The following SLC25A42 variants were observed in gnomAD, a reference collection of about 807,000 sequenced individuals.
The protein encoded by SLC25A42 is mitochondrial coenzyme A transporter SLC25A42.
In SLC25A42, 19 loss-of-function variants were observed where a neutral mutation model predicts 34.7. The ratio of observed to expected loss-of-function variants is 0.55; its 90% confidence interval spans 0.38 to 0.80. The LOEUF is 0.80. SLC25A42 is among the 30% of genes least tolerant of loss of function. SLC25A42 has a pLI of 0.00. For synonymous variants in SLC25A42, 205 were observed against 191.2 expected, an observed-to-expected ratio of 1.07 and a Z score of -0.59; for missense variants, 364 against 441.3, an observed-to-expected ratio of 0.82 and a Z score of 1.57.
chr19:19,086,631 T>G (rs1364645852), intron 1 of SLC25A42, among the ~76,000 whole-genome samples: 1 of 151,548 alleles, frequency 6.6e-6, no homozygotes, highest in African/African-American at 2.4e-5. Context: ...TTTTGGGGGG[T>G]TTTGCTTTTT....
chr19:19,078,845 T>A (rs953566328), intron 1 of SLC25A42, among the ~76,000 whole-genome samples: 4 of 151,770 alleles, frequency 2.6e-5, no homozygotes, highest in Non-Finnish European at 5.9e-5. Context: ...ACTTGAAAGT[T>A]ACCATTGTGA....
intron 1 of SLC25A42, among the ~76,000 whole-genome samples, chr19:19,064,714 TC>T (rs1289630450): frequency 7.0e-6 from 1 of 141,888 alleles, no homozygotes; most frequent in Non-Finnish European, 1.5e-5. Flanking sequence ...CACCTCTGTC[TC>T]CCCCTTTTCT....
At chr19:19,074,513 A>G (rs1186679530) in intron 1 of SLC25A42, among the ~76,000 whole-genome samples, 1 of 152,020 alleles carries the variant, frequency 6.6e-6, no homozygotes, top group African/African-American at 2.4e-5. Context: ...CCCCACCCCC[A>G]CCCAACATTT....
At chr19:19,096,254 T>TGGGGGCCCCCCCCCCCCCC in intron 2 of SLC25A42, 49 bp downstream of exon 2, 3 of 1,456,702 alleles carry the variant, frequency 2.1e-6, no homozygotes, top group Non-Finnish European at 1.9e-6. Context: ...GGCCCCAGCC[T>TGGGGGCCCCCCCCCCCCCC]CCCCACCCCC....
chr19:19,079,035 A>C (rs1032468921), intron 1 of SLC25A42, among the ~76,000 whole-genome samples: 1 of 150,926 alleles, frequency 6.6e-6, no homozygotes, highest in Non-Finnish European at 1.5e-5. Flanking sequence ...ATTTATTTTT[A>C]TTTTTTAGAC....
intron 2 of SLC25A42, among the ~76,000 whole-genome samples, chr19:19,099,939 G>T (rs868726903): frequency 6.6e-6 from 1 of 151,744 alleles, no homozygotes; most frequent in Admixed American, 6.6e-5. Flanking sequence ...TGTTGGGCAC[G>T]CTGGTCTCGA....
intron 1 of SLC25A42, among the ~76,000 whole-genome samples, chr19:19,095,111 G>T (rs2059757424): frequency 6.6e-6 from 1 of 152,086 alleles, no homozygotes; most frequent in African/African-American, 2.4e-5. Flanking sequence ...TGAGGCACAA[G>T]AATTACTTGA....
intron 2 of SLC25A42, among the ~76,000 whole-genome samples, chr19:19,097,344 G>A (rs1321843224): frequency 1.3e-5 from 2 of 152,230 alleles, no homozygotes; most frequent in Admixed American, 6.5e-5. Flanking sequence ...TCACCACCAG[G>A]TGACTGAGGC....
rs145731911 is a variant in SLC25A42, at chr19:19,106,219, A to C, written c.381-50A>C. ...GGTGCTCCAGGCTGGGCCTCTGTGC[A>C]TCTGCAACCCCCTCACTGCCGTCTC... On this transcript the variant is annotated intron_variant, in intron 5 of 7. Transcript: ENST00000318596. 2.8e-5 allele frequency: 42 copies of C among 1,519,966 alleles called. No homozygotes were observed. The East Asian group carries it at 9.4e-4, about 34-fold the overall frequency. 94.2% of individuals were successfully genotyped at this position (1,519,966 alleles called of 1,614,324 possible). A position where few individuals can be genotyped will look rare whatever the true frequency, so the allele number is the denominator to read the frequency against.
At chr19:19,093,763 C>T (rs1005167176) in intron 1 of SLC25A42, among the ~76,000 whole-genome samples, 1 of 152,170 alleles carries the variant, frequency 6.6e-6, no homozygotes, top group Non-Finnish European at 1.5e-5. Flanking sequence ...CTGCACCCTC[C>T]ACCTCCTGGG....
chr19:19,094,729 A>C (rs767625762), intron 1 of SLC25A42, among the ~76,000 whole-genome samples: 19 of 152,070 alleles, frequency 1.2e-4, no homozygotes, highest in Non-Finnish European at 2.4e-4. Context: ...ATGCGTTTTC[A>C]TTTACTGGAT....
intron 1 of SLC25A42, among the ~76,000 whole-genome samples, chr19:19,087,982 G>T (rs559297877): frequency 3.9e-5 from 6 of 152,152 alleles, no homozygotes; most frequent in African/African-American, 1.4e-4. Context: ...TTGGAAGGGG[G>T]GCCAGTGTTA....
At chr19:19,101,953 C>A in intron 3 of SLC25A42, 67 bp downstream of exon 3, 1 of 968,678 alleles carries the variant, frequency 1.0e-6, no homozygotes, top group Non-Finnish European at 1.6e-6. Context: ...TCATGGCCCC[C>A]AAACCACGCT....
chr19:19,097,383 G>A (rs1192350644), intron 2 of SLC25A42, among the ~76,000 whole-genome samples: 9 of 152,224 alleles, frequency 5.9e-5, no homozygotes, highest in Admixed American at 6.5e-5. Flanking sequence ...TTGAAGTTTA[G>A]TGAAGGTCCC....
chr19:19,095,802 T>C, intron 1 of SLC25A42: 2 of 429,766 alleles, frequency 4.7e-6, no homozygotes, highest in Non-Finnish European at 8.9e-6. Context: ...CACAACCCGC[T>C]GGTAGCTGTG....
At chr19:19,073,178 A>G (rs2059639168) in intron 1 of SLC25A42, among the ~76,000 whole-genome samples, 2 of 152,232 alleles carry the variant, frequency 1.3e-5, no homozygotes, top group African/African-American at 4.8e-5. Flanking sequence ...GCAGGAGGAC[A>G]GGACAGCAAC....
chr19:19,090,452 C>T (rs1242779342), intron 1 of SLC25A42, among the ~76,000 whole-genome samples: 1 of 152,144 alleles, frequency 6.6e-6, no homozygotes, highest in Non-Finnish European at 1.5e-5. Context: ...AAAGACCTCC[C>T]CCCAAAACAG....
intron 1 of SLC25A42, among the ~76,000 whole-genome samples, chr19:19,091,819 G>A (rs547459530): frequency 1.3e-5 from 2 of 152,346 alleles, no homozygotes; most frequent in Admixed American, 1.3e-4. Flanking sequence ...CGAGGCTATA[G>A]TGAGCTATGA....
At chr19:19,105,245 T>A (rs895079076) in intron 4 of SLC25A42, 17 of 572,984 alleles carry the variant, frequency 3.0e-5, no homozygotes, top group Middle Eastern at 4.6e-4. Context: ...AAAGCTGGGA[T>A]GCCAAACACC....
Sources: allele counts gnomAD v4.1 joint callset (sites outside exome capture counted in the v4.1 genomes callset), GRCh38; gene constraint gnomAD v4.1.1; transcripts MANE v1.5; gene names NCBI Gene and HGNC (gene_info 2026-07-23, HGNC 2026-07-21).